Variants in ZBTB20 observed in about 807,000 individuals in gnomAD.
ZBTB20 encodes zinc finger and BTB domain containing 20, also known as zinc finger and BTB domain-containing protein 20.
ZBTB20 carries 9 observed loss-of-function variants against 56.9 expected under a neutral mutation model. The ratio of observed to expected loss-of-function variants is 0.16; its 90% CI spans 0.10 to 0.28. The LOEUF is 0.28. ZBTB20 is among the 10% of genes least tolerant of loss of function. ZBTB20 has a pLI of 1.00. For synonymous variants in ZBTB20, 417 were observed against 420.7 expected, an observed-to-expected ratio of 0.99 and a Z score of 0.11; for missense variants, 655 against 1,003.0, an observed-to-expected ratio of 0.65 and a Z score of 4.69.
chr3:115,013,392 T>C (rs1296453105), intron 2 of ZBTB20, among the ~76,000 whole-genome samples: 1 of 151,678 alleles, frequency 6.6e-6, no homozygotes, highest in Non-Finnish European at 1.5e-5. Context: ...CGTTAGTGGC[T>C]GCTATAAATA....
intron 6 of ZBTB20, among the ~76,000 whole-genome samples, chr3:114,648,678 A>G (rs951451081): frequency 1.3e-5 from 2 of 152,088 alleles, no homozygotes; most frequent in African/African-American, 4.8e-5. Flanking sequence ...GATCTGAAAT[A>G]CAGAGAAAAT....
chr3:114,698,278 G>A (rs1578401232), intron 5 of ZBTB20, among the ~76,000 whole-genome samples: 4 of 152,148 alleles, frequency 2.6e-5, no homozygotes, highest in African/African-American at 9.6e-5. Flanking sequence ...GCTACAAATT[G>A]TTTGGCTGAA....
intron 6 of ZBTB20, among the ~76,000 whole-genome samples, chr3:114,638,778 TTA>T (rs201939182): frequency 0.01 from 1,562 of 152,202 alleles, 20 homozygotes; most frequent in African/African-American, 0.035. Context: ...AGCTCAATTA[TTA>T]TATACAATAA....
chr3:114,520,211 C>T (rs2046474932), intron 6 of ZBTB20: 1 of 152,032 alleles, frequency 6.6e-6, no homozygotes, highest in Admixed American at 6.6e-5. Context: ...TAACAGGAGT[C>T]TCTTTAAATA....
intron 7 of ZBTB20, among the ~76,000 whole-genome samples, chr3:114,480,377 C>T (rs1395883971): frequency 1.3e-5 from 2 of 152,142 alleles, no homozygotes; most frequent in Admixed American, 6.5e-5. Flanking sequence ...CAGAGGTTTG[C>T]ATATAGAGAA....
rs1350729306 is a variant in ZBTB20, at chr3:115,015,162, G to A, written c.-506-40746C>T. Among the ~76,000 whole-genome samples the A allele has an allele frequency of 2.0e-5, 3 of 151,592 alleles. No homozygotes were observed. The East Asian group carries it at 5.9e-4, about 30-fold the overall frequency. ...TTTAATGTAAGTTTGATTGGAATGT[G>A]ACTAATTACATAATAGTTATACAAA... On this transcript the variant is annotated intron_variant, in intron 2 of 11. Transcript: ENST00000675478.
At chr3:114,400,480 G>A (rs996322377) in intron 7 of ZBTB20, among the ~76,000 whole-genome samples, 2 of 152,108 alleles carry the variant, frequency 1.3e-5, no homozygotes, top group Non-Finnish European at 1.5e-5. Flanking sequence ...TTCCATTCAG[G>A]TTTTAGGAGA....
At chr3:114,702,358 C>T (rs1560145906) in intron 5 of ZBTB20, among the ~76,000 whole-genome samples, 2 of 152,116 alleles carry the variant, frequency 1.3e-5, no homozygotes, top group Non-Finnish European at 2.9e-5. Context: ...AAACCCTCCA[C>T]CCCCAAAAAT....
At chr3:114,902,482 T>C (rs1473557145) in intron 3 of ZBTB20, among the ~76,000 whole-genome samples, 1 of 151,420 alleles carries the variant, frequency 6.6e-6, no homozygotes, top group African/African-American at 2.5e-5. Flanking sequence ...TGTGACAGAT[T>C]TGGTACATTT....
chr3:114,837,822 G>A (rs2074194687), intron 4 of ZBTB20, among the ~76,000 whole-genome samples: 1 of 151,830 alleles, frequency 6.6e-6, no homozygotes, highest in African/African-American at 2.4e-5. Flanking sequence ...AGATCAGGTG[G>A]GGCCATCTTA....
intron 1 of ZBTB20, among the ~76,000 whole-genome samples, chr3:115,091,026 T>C (rs937967789): frequency 3.9e-5 from 6 of 151,934 alleles, no homozygotes; most frequent in African/African-American, 1.4e-4. Context: ...TGTGGGTTCA[T>C]CTTACTATAT....
At chr3:114,568,350 T>A (rs1489391010) in intron 6 of ZBTB20, among the ~76,000 whole-genome samples, 2 of 152,182 alleles carry the variant, frequency 1.3e-5, no homozygotes, top group South Asian at 2.1e-4. Context: ...CCTAAAACCA[T>A]GTGTCTAAAA....
chr3:114,322,138 T>G lies in ZBTB20; in HGVS notation c.*16867A>C, dbSNP rs891733779. The G allele has an allele frequency of 6.6e-6, 1 of 152,276 alleles. No homozygotes were observed. Among genetic ancestry groups the G allele is most frequent in the Non-Finnish European group, 1.5e-5 (1 of 68,064 alleles). The allele number at this position is 152,276 out of a possible 1,614,324, so 9.4% of individuals were successfully genotyped here. On this transcript the variant is annotated 3_prime_UTR_variant, in exon 12 of 12. Coordinates refer to ENST00000675478, the MANE Select transcript of ZBTB20 (RefSeq NM_001348800.3). Reference sequence around the variant, plus strand: ...CCATACAGAACCCTGATCTGCACTGTGTACATGCTGCCCTATGTTTCACCA... The same window carrying G: ...CCATACAGAACCCTGATCTGCACTGGGTACATGCTGCCCTATGTTTCACCA...
chr3:114,736,219 G>A (rs2066147251), intron 5 of ZBTB20, among the ~76,000 whole-genome samples: 1 of 152,110 alleles, frequency 6.6e-6, no homozygotes, highest in Admixed American at 6.6e-5. Context: ...CTATTGTCAT[G>A]AATTTCTAGC....
intron 7 of ZBTB20, among the ~76,000 whole-genome samples, chr3:114,443,710 T>C (rs1211160066): frequency 1.3e-5 from 2 of 152,166 alleles, no homozygotes; most frequent in African/African-American, 4.8e-5. Context: ...CAGGGGAATA[T>C]TAATAAGTAA....
Position 114,327,641 on chromosome 3 carries a change from G to C in ZBTB20, c.*11364C>G, listed in dbSNP as rs1319554015. 6.6e-6 allele frequency: 1 copy of C among 152,082 alleles called. No individual in the cohort carries two copies. Among genetic ancestry groups the C allele is most frequent in the African/African-American group, 2.4e-5 (1 of 41,404 alleles). 9.4% of individuals were successfully genotyped at this position (152,082 alleles called of 1,614,324 possible). A position where few individuals can be genotyped will look rare whatever the true frequency, so the allele number is the denominator to read the frequency against. On this transcript the variant is annotated 3_prime_UTR_variant, in exon 12 of 12. Transcript: ENST00000675478. The stretch of plus-strand genomic sequence containing the variant: ...TATTTCATTGTTCTCTATGGTGTGA[G>C]TTGATGTTATAAACTGGTTTGATTA...
chr3:114,832,980 T>C (rs1010762293), intron 4 of ZBTB20, among the ~76,000 whole-genome samples: 3 of 152,148 alleles, frequency 2.0e-5, no homozygotes, highest in Non-Finnish European at 4.4e-5. Context: ...TGTTAGCCCT[T>C]GCATTATGAA....
intron 6 of ZBTB20, among the ~76,000 whole-genome samples, chr3:114,582,673 C>A (rs570300317): frequency 6.2e-4 from 95 of 152,294 alleles, no homozygotes; most frequent in Non-Finnish European, 1.0e-3. Context: ...AGCCACCATG[C>A]CCAGCCTGTG....
At chr3:114,756,136 G>T in intron 5 of ZBTB20, among the ~76,000 whole-genome samples, 1 of 151,070 alleles carries the variant, frequency 6.6e-6, no homozygotes, top group East Asian at 1.9e-4. Context: ...TCCCTTATTG[G>T]TGCAATAAAT....
Sources: gnomAD v4.1 joint callset for allele counts (sites outside exome capture counted in the v4.1 genomes callset) on GRCh38, gnomAD v4.1.1 for gene constraint, MANE v1.5 for transcripts, NCBI Gene and HGNC (gene_info 2026-07-23, HGNC 2026-07-21) for gene names.